Variants in EPM2A observed in about 807,000 individuals in gnomAD.
EPM2A encodes the protein laforin.
EPM2A carries 21 observed loss-of-function variants against 26.5 expected under a neutral mutation model. The observed-to-expected ratio is 0.79, with a 90% CI of 0.56 to 1.14. EPM2A has a LOEUF of 1.14. Among genes scored for constraint, EPM2A ranks in the 50% most tolerant of loss-of-function variants. The pLI is 0.00. For synonymous variants in EPM2A, 217 were observed against 177.6 expected (o/e 1.22, Z -1.76); for missense variants, 458 against 440.8 (o/e 1.04, Z -0.35).
In EPM2A at chr6:145,686,117, T is replaced by C. The variant is rs1780888090; in HGVS notation, c.476+5A>G. ...CTATGCCTATAAATATAGCACTATT[T>C]TTACCTTGAATAATGCATGGCTTGG... On this transcript the variant is annotated splice_donor_5th_base_variant and intron_variant, in intron 2 of 3. Coordinates refer to ENST00000367519, the MANE Select transcript of EPM2A (RefSeq NM_005670.4). 1 of 1,612,006 alleles carries C rather than the reference T, an allele frequency of 6.2e-7. No homozygotes were observed.
chr6:145,427,203 C>T (rs1016350020), intron 4 of EPM2A, among the ~76,000 whole-genome samples: 3 of 152,166 alleles, frequency 2.0e-5, no homozygotes, highest in Non-Finnish European at 4.4e-5. Flanking sequence ...CTATAGCTAA[C>T]ATAATATTGT....
intron 1 of EPM2A, among the ~76,000 whole-genome samples, chr6:145,732,027 C>A (rs1328209462): frequency 6.6e-6 from 1 of 152,122 alleles, no homozygotes; most frequent in Admixed American, 6.5e-5. Context: ...CAAATAAAGA[C>A]ATTTTAGGAA....
intron 2 of EPM2A, among the ~76,000 whole-genome samples, chr6:145,615,852 AG>A (rs1159899975): frequency 1.5e-5 from 1 of 65,006 alleles, no homozygotes; most frequent in Non-Finnish European, 4.1e-5. Context: ...GGTATCTGGC[AG>A]AAGAAATTTC....
At chr6:145,425,577 C>T (rs939363385) in intron 4 of EPM2A, among the ~76,000 whole-genome samples, 1 of 149,334 alleles carries the variant, frequency 6.7e-6, no homozygotes, top group Non-Finnish European at 1.5e-5. Flanking sequence ...CCAAAGATAG[C>T]TTCTGTACCT....
chr6:145,677,538 C>T (rs559760701), intron 2 of EPM2A, among the ~76,000 whole-genome samples: 27 of 152,286 alleles, frequency 1.8e-4, no homozygotes, highest in Middle Eastern at 3.4e-3. Context: ...AAAACCCCAT[C>T]ATCTCAGCCC....
Position 145,490,946 on chromosome 6 carries a change from G to T in EPM2A, c.555+11576C>A, listed in dbSNP as rs991391538. On this transcript the variant is annotated intron_variant, in intron 4 of 4. Coordinates refer to the EPM2A transcript ENST00000638717. The stretch of plus-strand genomic sequence containing the variant: ...ACTTGTGTTCTGTGTGTACTTTATG[G>T]ATGCTTGGCAGAATCCACTTCCTCT... The T allele has an allele frequency of 1.6e-4, 127 of 811,516 alleles. No homozygotes were observed. In the Admixed American group the frequency reaches 1.9e-3, roughly 12 times the overall value. 50.3% of individuals were successfully genotyped at this position (811,516 alleles called of 1,614,324 possible).
chr6:145,488,522 TGAGAGAGAGA>T (rs200590979), intron 4 of EPM2A, among the ~76,000 whole-genome samples: 6 of 139,918 alleles, frequency 4.3e-5, no homozygotes, highest in African/African-American at 1.1e-4. Flanking sequence ...TGTGTGTGTG[TGAGAGAGAGA>T]GAGAGAGAGA....
chr6:145,509,354 A>T (rs1004352194), intron 2 of EPM2A, among the ~76,000 whole-genome samples: 1 of 152,206 alleles, frequency 6.6e-6, no homozygotes, highest in Non-Finnish European at 1.5e-5. Context: ...TGGCCATATT[A>T]TCCTTAAAGG....
chr6:145,402,911 G>A (rs1239848016), intron 4 of EPM2A, among the ~76,000 whole-genome samples: 1 of 152,078 alleles, frequency 6.6e-6, no homozygotes. Context: ...CTATTCTAAG[G>A]ATATGTGCAT....
At chr6:145,665,851 T>C (rs1055838016) in intron 2 of EPM2A, among the ~76,000 whole-genome samples, 16 of 146,768 alleles carry the variant, frequency 1.1e-4, no homozygotes, top group Admixed American at 4.1e-4. Flanking sequence ...GATGCAAGGC[T>C]GGTTCAATAT....
chr6:145,410,374 G>A (rs1778627841), intron 4 of EPM2A, among the ~76,000 whole-genome samples: 1 of 152,166 alleles, frequency 6.6e-6, no homozygotes, highest in Non-Finnish European at 1.5e-5. Context: ...GAAGACTAAT[G>A]AGAGGTTTGA....
At chr6:145,638,786 T>G (rs1221202094) in intron 2 of EPM2A, 1 of 152,236 alleles carries the variant, frequency 6.6e-6, no homozygotes, top group Non-Finnish European at 1.5e-5. Context: ...TTCTGCTTAA[T>G]CAGACAGCTA....
intron 4 of EPM2A, among the ~76,000 whole-genome samples, chr6:145,413,815 G>A (rs754989840): frequency 1.1e-4 from 16 of 152,134 alleles, no homozygotes; most frequent in African/African-American, 2.2e-4. Context: ...GCAAGTAGAC[G>A]GAAGCATTTA....
intron 4 of EPM2A, chr6:145,490,477 T>A (rs1169766287): frequency 1.4e-6 from 1 of 720,440 alleles, no homozygotes; most frequent in African/African-American, 1.8e-5. Context: ...TTTTCTAAGA[T>A]GTTCTTTAAA....
At chr6:145,458,902 G>A (rs1298279453) in intron 4 of EPM2A, among the ~76,000 whole-genome samples, 2 of 151,988 alleles carry the variant, frequency 1.3e-5, no homozygotes, top group Middle Eastern at 3.2e-3. Flanking sequence ...GAACTACTAA[G>A]TTTTCTTGCA....
intron 1 of EPM2A, among the ~76,000 whole-genome samples, chr6:145,713,538 A>C (rs1021111512): frequency 8.5e-5 from 13 of 152,170 alleles, no homozygotes. Flanking sequence ...CCACAATAAG[A>C]CCCCATTTCA....
At chr6:145,460,198 T>G (rs1275297309) in intron 4 of EPM2A, among the ~76,000 whole-genome samples, 1 of 151,978 alleles carries the variant, frequency 6.6e-6, no homozygotes, top group Non-Finnish European at 1.5e-5. Context: ...AATTAAGGAG[T>G]TTCTTGCACT....
intron 4 of EPM2A, among the ~76,000 whole-genome samples, chr6:145,419,036 C>T (rs1468248859): frequency 6.6e-6 from 1 of 152,174 alleles, no homozygotes; most frequent in African/African-American, 2.4e-5. Flanking sequence ...TTTCCAGTTC[C>T]ACTAAAGACA....
chr6:145,505,737 A>T lies in EPM2A; in HGVS notation c.341-3162T>A, dbSNP rs187770231. ...TCAGTCAATACCACTGTAGGACCAT[A>T]TATGTCCCTGAAAGATTAAGGAATG... On this transcript the variant is annotated intron_variant, in intron 2 of 3. Coordinates refer to the EPM2A transcript ENST00000450221. 2.0e-5 allele frequency among the ~76,000 whole-genome samples: 3 copies of T among 152,330 alleles called. No homozygotes were observed. The East Asian group carries it at 5.8e-4, about 29-fold the overall frequency.
Sources: allele counts gnomAD v4.1 joint callset (sites outside exome capture counted in the v4.1 genomes callset), GRCh38; gene constraint gnomAD v4.1.1; transcripts MANE v1.5; gene names NCBI Gene and HGNC (gene_info 2026-07-23, HGNC 2026-07-21).